MYH10: variants seen among roughly 807,000 people sequenced by gnomAD.
MYH10 encodes the protein myosin heavy chain 10.
Under a neutral mutation model 257.8 loss-of-function variants are expected in MYH10, and 55 were observed. That is an observed-to-expected ratio of 0.21 (90% CI 0.17 to 0.27). MYH10 has a LOEUF of 0.27. Ranked by LOEUF, MYH10 falls within the 10% of genes least tolerant of loss-of-function variation. The probability of loss-of-function intolerance (pLI) is 1.00; values close to 1 mark genes in which losing one functional copy is unlikely to be tolerated. For synonymous variants in MYH10, 854 were observed against 921.7 expected, an observed-to-expected ratio of 0.93 and a Z score of 1.33; for missense variants, 1,631 against 2,500.6, an observed-to-expected ratio of 0.65 and a Z score of 7.42.
intron 2 of MYH10, among the ~76,000 whole-genome samples, chr17:8,609,710 AG>A (rs1469693984): frequency 2.0e-5 from 3 of 152,162 alleles, no homozygotes; most frequent in Non-Finnish European, 2.9e-5. Context: ...CAGGAAATCA[AG>A]TGATAAGAGC....
chr17:8,559,425 T>G (rs1399975604), intron 7 of MYH10, among the ~76,000 whole-genome samples: 1 of 143,360 alleles, frequency 7.0e-6, no homozygotes, highest in Non-Finnish European at 1.5e-5. Flanking sequence ...AATAAATAAA[T>G]TAAAAGATGA....
Position 8,506,042 on chromosome 17 carries a change from G to T in MYH10, c.3386+276C>A. On this transcript the variant is annotated intron_variant, in intron 27 of 42. Coordinates refer to ENST00000360416, the MANE Select transcript of MYH10 (RefSeq NM_001256012.3). The surrounding 1 kb of genome is among the most constrained non-coding windows in gnomAD (Gnocchi z 5.0). ...GTAATGTACAGAGACCAAAACATTTGTTATAGTGAAATAATTTGTTCTGGT... is the reference window on the plus strand; with the variant it reads ...GTAATGTACAGAGACCAAAACATTTTTTATAGTGAAATAATTTGTTCTGGT... The T allele has an allele frequency of 2.8e-6, 1 of 357,398 alleles. No individual in the cohort carries two copies. The highest frequency in any genetic ancestry group is 4.9e-6 in the Non-Finnish European group (1 of 202,972). The allele number at this position is 357,398 out of a possible 1,614,324, so 22.1% of individuals were successfully genotyped here. A position where few individuals can be genotyped will look rare whatever the true frequency, so the allele number is the denominator to read the frequency against.
Position 8,490,487 on chromosome 17 carries a change from C to T in MYH10, c.4737G>A (p.Leu1579=). 1 of 1,614,228 alleles carries T rather than the reference C, an allele frequency of 6.2e-7. No individual in the cohort carries two copies. Among genetic ancestry groups the T allele is most frequent in the East Asian group, 2.2e-5 (1 of 44,882 alleles). The stretch of plus-strand genomic sequence containing the variant: ...CCTGGAGTTCGTCTTCCAGCTCCTC[C>T]AGCTGGGTCCTCATTTCCTCCACCT... ...EQQVEEMRTQ[L]EELEDELQAT... The change falls in exon 35 of 43, where the codon CTG becomes CTA. Residue 1579 remains leucine, a synonymous_variant. Transcript: ENST00000360416. The surrounding 1 kb of genome is among the most constrained non-coding windows in gnomAD (Gnocchi z 4.1).
intron 6 of MYH10, 67 bp downstream of exon 6, chr17:8,576,576 G>T: frequency 7.0e-7 from 1 of 1,436,950 alleles, no homozygotes; most frequent in Non-Finnish European, 9.6e-7. Context: ...TTCTAGCAGA[G>T]ACTCAATCTA....
chr17:8,526,670 GAA>G (rs2081858144), intron 17 of MYH10, among the ~76,000 whole-genome samples: 1 of 152,160 alleles, frequency 6.6e-6, no homozygotes, highest in Non-Finnish European at 1.5e-5. Flanking sequence ...ATCTCATCAT[GAA>G]ACTGCCACCA....
intron 17 of MYH10, among the ~76,000 whole-genome samples, chr17:8,522,452 A>C (rs1166573996): frequency 6.6e-6 from 1 of 152,166 alleles, no homozygotes; most frequent in Non-Finnish European, 1.5e-5. Flanking sequence ...GGCACACTAC[A>C]CTACAACTGC....
At chr17:8,577,891 C>T (rs2083558892) in intron 4 of MYH10, among the ~76,000 whole-genome samples, 1 of 152,110 alleles carries the variant, frequency 6.6e-6, no homozygotes, top group Non-Finnish European at 1.5e-5. Flanking sequence ...TCACGACACT[C>T]TTTTTTCCCT....
intron 17 of MYH10, among the ~76,000 whole-genome samples, chr17:8,524,257 A>G (rs59237782): frequency 0.5 from 76,092 of 151,410 alleles, 20,120 homozygotes; most frequent in Middle Eastern, 0.62. Context: ...CCTGGCCAAC[A>G]TGGTGAAAAC....
chr17:8,626,106 C>T (rs1352521643), intron 1 of MYH10, among the ~76,000 whole-genome samples: 1 of 152,088 alleles, frequency 6.6e-6, no homozygotes. Context: ...CATTTTATAC[C>T]TAAACTTGCA....
chr17:8,626,147 G>A (rs1229093483), intron 1 of MYH10, among the ~76,000 whole-genome samples: 4 of 152,076 alleles, frequency 2.6e-5, no homozygotes, highest in African/African-American at 9.7e-5. Flanking sequence ...CTTTGGAGAG[G>A]GCAATACAGA....
chr17:8,534,348 T>C (rs1238552320), intron 16 of MYH10, among the ~76,000 whole-genome samples: 5 of 152,180 alleles, frequency 3.3e-5, no homozygotes, highest in African/African-American at 4.8e-5. Context: ...CACAGTCTGC[T>C]CCCAGGACGC....
chr17:8,547,241 C>T (rs907810060), intron 11 of MYH10, among the ~76,000 whole-genome samples: 1 of 152,122 alleles, frequency 6.6e-6, no homozygotes, highest in Admixed American at 6.5e-5. Context: ...CCTGATCCTC[C>T]TCTATTTATG....
At chr17:8,496,696 A>G (rs1448092041) in intron 30 of MYH10, among the ~76,000 whole-genome samples, 1 of 152,174 alleles carries the variant, frequency 6.6e-6, no homozygotes, top group Admixed American at 6.5e-5. Flanking sequence ...CACGCACACA[A>G]TATTTCAGTA....
chr17:8,500,333 C>G (rs772894412), intron 29 of MYH10, among the ~76,000 whole-genome samples: 4 of 152,072 alleles, frequency 2.6e-5, no homozygotes, highest in Non-Finnish European at 5.9e-5. Context: ...GAACGGAAAG[C>G]CTGTGTCTGA....
intron 1 of MYH10, among the ~76,000 whole-genome samples, chr17:8,625,438 C>T (rs1470648552): frequency 2.0e-5 from 3 of 152,002 alleles, no homozygotes; most frequent in Non-Finnish European, 4.4e-5. Flanking sequence ...GGGCTCTATC[C>T]CAGAGTCCCT....
intron 4 of MYH10, among the ~76,000 whole-genome samples, chr17:8,581,536 C>T (rs2083705328): frequency 6.6e-6 from 1 of 152,088 alleles, no homozygotes; most frequent in East Asian, 1.9e-4. Flanking sequence ...TGCTTATGAG[C>T]TGTGCTACAT....
In MYH10 at chr17:8,476,929, G is replaced by T. The variant is rs199937589; in HGVS notation, c.5826C>A (p.Thr1942=). The change falls in exon 42 of 43, where the codon ACC becomes ACA. Residue 1942 remains threonine (T), a synonymous_variant. Transcript: ENST00000360416. Reference sequence around the variant, plus strand: ...CGCGGCTCAGGCCCTCGTTGGCCTCGGTGGCATCATCCAGTTCCCGCTGGA... The same window carrying T: ...CGCGGCTCAGGCCCTCGTTGGCCTCTGTGGCATCATCCAGTTCCCGCTGGA... ...RKLQRELDDA[T]EANEGLSREV... The T allele has an allele frequency of 6.2e-7, 1 of 1,613,448 alleles. No individual in the cohort carries two copies. The highest frequency in any genetic ancestry group is 2.2e-5 in the East Asian group (1 of 44,884).
In MYH10 at chr17:8,601,977, C is replaced by CTTT. The variant is rs11481345; in HGVS notation, c.502+2846_502+2848dup. ...ATACATTTCATGCAAGAAACAGAAT[C>CTTT]TTTTTTTTTTTTTTTTGAGACGGAG... On this transcript the variant is annotated intron_variant, in intron 3 of 42. Coordinates refer to ENST00000360416, the MANE Select transcript of MYH10 (RefSeq NM_001256012.3). 1.5e-4 allele frequency among the ~76,000 whole-genome samples: 21 copies of CTTT among 138,842 alleles called. 2 individuals carry two copies. The highest frequency in any genetic ancestry group is 2.1e-4 in the Non-Finnish European group (14 of 65,280). The allele number at this position is 138,842 out of a possible 152,430, so 91.1% of individuals were successfully genotyped here.
chr17:8,571,328 C>G (rs1044167860), intron 6 of MYH10, among the ~76,000 whole-genome samples: 1 of 151,566 alleles, frequency 6.6e-6, no homozygotes, highest in Non-Finnish European at 1.5e-5. Context: ...GCACCCGCCA[C>G]CATGCCCGGC....
Sources: allele counts gnomAD v4.1 joint callset (sites outside exome capture counted in the v4.1 genomes callset), GRCh38; gene constraint gnomAD v4.1.1; non-coding constraint Gnocchi (gnomAD v3.1); transcripts MANE v1.5; gene names NCBI Gene and HGNC (gene_info 2026-07-23, HGNC 2026-07-21).